ZNF25: variants seen among roughly 807,000 people sequenced by gnomAD.
The protein encoded by ZNF25 is zinc finger protein 25.
A neutral mutation model predicts 30.9 loss-of-function variants in ZNF25; 21 were observed. That is an observed-to-expected ratio of 0.68 (90% confidence interval 0.48 to 0.98). ZNF25 has a LOEUF of 0.98. Ranked by LOEUF, ZNF25 falls within the 50% of genes least tolerant of loss-of-function variation. The pLI, the probability that ZNF25 is intolerant of heterozygous loss-of-function variation, is 0.00. For synonymous variants in ZNF25, 169 were observed against 181.3 expected (o/e 0.93, Z 0.55); for missense variants, 501 against 529.9 (o/e 0.95, Z 0.54).
At chr10:37,972,959 G>C (rs2063578590) in intron 1 of ZNF25, among the ~76,000 whole-genome samples, 1 of 151,986 alleles carries the variant, frequency 6.6e-6, no homozygotes, top group South Asian at 2.1e-4. Flanking sequence ...CCTGAGGTTG[G>C]GAGTTCAAGA....
chr10:37,960,861 G>A (rs1011011966), intron 2 of ZNF25, among the ~76,000 whole-genome samples: 1 of 152,136 alleles, frequency 6.6e-6, no homozygotes, highest in Non-Finnish European at 1.5e-5. Flanking sequence ...CAGCAAAGGA[G>A]TGAAAACTGT....
intron 4 of ZNF25, among the ~76,000 whole-genome samples, chr10:37,954,084 G>C (rs2062360319): frequency 6.6e-6 from 1 of 152,198 alleles, no homozygotes; most frequent in Non-Finnish European, 1.5e-5. Flanking sequence ...GGGAGTGTGG[G>C]AAGTATAGAG....
intron 2 of ZNF25, among the ~76,000 whole-genome samples, chr10:37,969,709 G>A (rs1046390018): frequency 6.6e-6 from 1 of 152,148 alleles, no homozygotes; most frequent in Admixed American, 6.5e-5. Context: ...ACACAATACT[G>A]TGAATGTACT....
chr10:37,971,717 G>C lies in ZNF25; in HGVS notation c.6C>G (p.Asn2Lys). Residue 2 changes from asparagine to lysine, a missense_variant, in exon 2 of 6, where the codon AAC becomes AAG. Transcript: ENST00000302609. MNKFQGPVTLKD... is the reference protein window; with the variant it reads MKKFQGPVTLKD... ...TAAGTAAATGACTCACCTGGAACTT[G>C]TTCATTTTCTGCTGCTCTTGGGAAA... The C allele has an allele frequency of 3.7e-6, 6 of 1,612,830 alleles. No homozygotes were observed. Among genetic ancestry groups the C allele is most frequent in the Non-Finnish European group, 5.1e-6 (6 of 1,179,792 alleles).
chr10:37,975,115 T>C (rs1022873476), intron 1 of ZNF25, among the ~76,000 whole-genome samples: 3 of 151,974 alleles, frequency 2.0e-5, no homozygotes, highest in African/African-American at 4.8e-5. Context: ...CGAAGGGAAG[T>C]AGGGAGTGAG....
chr10:37,963,132 T>A (rs561409581), intron 2 of ZNF25, among the ~76,000 whole-genome samples: 113 of 151,814 alleles, frequency 7.4e-4, no homozygotes, highest in Middle Eastern at 3.4e-3. Flanking sequence ...TTATTTATTT[T>A]TTGAGACAGA....
chr10:37,957,246 C>CG, intron 3 of ZNF25, 131 bp from the exon 4 acceptor site: 1 of 1,253,430 alleles, frequency 8.0e-7, no homozygotes, highest in Non-Finnish European at 1.1e-6. Flanking sequence ...ATTCTTTCAG[C>CG]GGGGAGAGAG....
At position 37,957,465 on chromosome 10, in the gene ZNF25, A is replaced by T. The variant is rs746625202; in HGVS notation, c.97T>A (p.Tyr33Asn). Residue 33 changes from tyrosine to asparagine, a missense_variant, in exon 3 of 6, where the codon TAT becomes AAT. Transcript: ENST00000302609. Reference sequence around the variant, plus strand: ...TAGTTTTCCAGCATCACATCCTTATACAGAGTCCTCTGAGCAGGGGTCAGT... The same window carrying T: ...TAGTTTTCCAGCATCACATCCTTATTCAGAGTCCTCTGAGCAGGGGTCAGT... ...KLLTPAQRTL[Y>N]KDVMLENYSH... The T allele has an allele frequency of 6.2e-7, 1 of 1,614,026 alleles. No individual in the cohort carries two copies. The highest frequency in any genetic ancestry group is 1.7e-5 in the Admixed American group (1 of 60,006).
intron 2 of ZNF25, among the ~76,000 whole-genome samples, chr10:37,968,331 C>A (rs1352345337): frequency 6.6e-6 from 1 of 151,234 alleles, no homozygotes; most frequent in East Asian, 2.0e-4. Context: ...GTTGAGATTA[C>A]AGGCATGAGC....
chr10:37,972,974 C>G (rs1298715693), intron 1 of ZNF25, among the ~76,000 whole-genome samples: 1 of 151,608 alleles, frequency 6.6e-6, no homozygotes, highest in Non-Finnish European at 1.5e-5. Context: ...TCAAGACCAG[C>G]CTGACCAACA....
chr10:37,957,976 T>A (rs1202664280), intron 2 of ZNF25, among the ~76,000 whole-genome samples: 1 of 152,168 alleles, frequency 6.6e-6, no homozygotes, highest in East Asian at 1.9e-4. Flanking sequence ...CTAGAAGCAA[T>A]GGGCTACACC....
At chr10:37,961,620 T>C (rs779642736) in intron 2 of ZNF25, among the ~76,000 whole-genome samples, 3 of 151,610 alleles carry the variant, frequency 2.0e-5, no homozygotes, top group Non-Finnish European at 4.4e-5. Context: ...ACATGGCAAA[T>C]CAGATATAAA....
rs1375177611 is a variant in ZNF25, at chr10:37,971,725, T to G, written c.-3A>C. ...TGACTCACCTGGAACTTGTTCATTT[T>G]CTGCTGCTCTTGGGAAAGGCTGAAA... On this transcript the variant is annotated 5_prime_UTR_variant, in exon 2 of 6. Coordinates refer to ENST00000302609, the MANE Select transcript of ZNF25 (RefSeq NM_145011.4). The G allele has an allele frequency of 1.9e-6, 3 of 1,613,962 alleles. No homozygotes were observed. In the African/African-American group the frequency reaches 4.0e-5, roughly 22 times the overall value.
chr10:37,966,162 T>C (rs2063171348), intron 2 of ZNF25, among the ~76,000 whole-genome samples: 1 of 152,164 alleles, frequency 6.6e-6, no homozygotes. Context: ...CTCACTCCTG[T>C]AATCCCAGCA....
chr10:37,962,606 A>G (rs1239096444), intron 2 of ZNF25, among the ~76,000 whole-genome samples: 2 of 152,224 alleles, frequency 1.3e-5, no homozygotes, highest in Non-Finnish European at 2.9e-5. Flanking sequence ...GTTTAATGTT[A>G]TTAGAAAATA....
chr10:37,954,912 G>A (rs2062422349), intron 4 of ZNF25, among the ~76,000 whole-genome samples: 1 of 152,142 alleles, frequency 6.6e-6, no homozygotes, highest in African/African-American at 2.4e-5. Context: ...CCGGCACTTT[G>A]AGAGGCTGAG....
At chr10:37,972,359 T>C (rs2063537359) in intron 1 of ZNF25, among the ~76,000 whole-genome samples, 1 of 152,220 alleles carries the variant, frequency 6.6e-6, no homozygotes, top group African/African-American at 2.4e-5. Context: ...TAGGCTCTGC[T>C]ATTAATAAAC....
At chr10:37,974,108 T>A (rs1590354168) in intron 1 of ZNF25, among the ~76,000 whole-genome samples, 1 of 152,178 alleles carries the variant, frequency 6.6e-6, no homozygotes, top group Admixed American at 6.6e-5. Flanking sequence ...CTGTCTCTCA[T>A]CATATGCAAA....
chr10:37,954,116 AC>A (rs2062362952), intron 4 of ZNF25, among the ~76,000 whole-genome samples: 2 of 152,200 alleles, frequency 1.3e-5, no homozygotes, highest in South Asian at 4.1e-4. Flanking sequence ...CCCCTTAAGG[AC>A]CATGAACAGT....
Sources: allele counts gnomAD v4.1 joint callset (sites outside exome capture counted in the v4.1 genomes callset), GRCh38; gene constraint gnomAD v4.1.1; transcripts MANE v1.5; gene names NCBI Gene and HGNC (gene_info 2026-07-23, HGNC 2026-07-21).